Variants in NHS observed in about 807,000 individuals in gnomAD.
NHS encodes the protein actin remodeling regulator NHS.
Under a neutral mutation model 72.5 loss-of-function variants are expected in NHS, and 5 were observed. The observed-to-expected ratio is 0.07, with a 90% confidence interval of 0.04 to 0.14. The LOEUF is 0.14. Ranked by LOEUF, NHS falls within the 10% of genes least tolerant of loss-of-function variation. NHS has a pLI of 1.00. For missense variants in NHS, 1,072 were observed against 1,355.7 expected, an observed-to-expected ratio of 0.79 and a Z score of 3.29; for synonymous variants, 464 against 547.7, an observed-to-expected ratio of 0.85 and a Z score of 2.13.
At chrX:17,387,696 G>T (rs1344246460) in intron 1 of NHS, among the ~76,000 whole-genome samples, 1 of 112,382 alleles carries the variant, frequency 8.9e-6, no homozygotes, top group Non-Finnish European at 1.9e-5. Flanking sequence ...TCTGAAGCTG[G>T]ACTACATGGG....
chrX:17,512,066 A>G (rs1248360548), intron 1 of NHS, among the ~76,000 whole-genome samples: 1 of 111,938 alleles, frequency 8.9e-6, no homozygotes, highest in Non-Finnish European at 1.9e-5. Context: ...TGCACTCTTT[A>G]TAGGCTGCCT....
intron 1 of NHS, among the ~76,000 whole-genome samples, chrX:17,404,337 A>G (rs2064517351): frequency 9.0e-6 from 1 of 111,434 alleles, no homozygotes; most frequent in South Asian, 3.8e-4. Flanking sequence ...AAAGGTCTAA[A>G]TAACAATGAC....
At chrX:17,377,538 G>C (rs2064353153) in intron 1 of NHS, among the ~76,000 whole-genome samples, 1 of 113,247 alleles carries the variant, frequency 8.8e-6, no homozygotes. Flanking sequence ...TGGCCTAGGA[G>C]CGCGCGGGGC....
intron 1 of NHS, among the ~76,000 whole-genome samples, chrX:17,521,330 A>G (rs2065147377): frequency 9.2e-6 from 1 of 108,483 alleles, no homozygotes; most frequent in South Asian, 3.9e-4. Flanking sequence ...TACTGAGGAA[A>G]ATCTCCAGTG....
chrX:17,424,046 G>A (rs1322651540), intron 1 of NHS, among the ~76,000 whole-genome samples: 1 of 112,489 alleles, frequency 8.9e-6, no homozygotes, highest in African/African-American at 3.2e-5. Flanking sequence ...TAATCATCAA[G>A]TTCTGGTGGT....
chrX:17,450,872 G>A (rs552349124), intron 1 of NHS, among the ~76,000 whole-genome samples: 4 of 110,959 alleles, frequency 3.6e-5, no homozygotes, highest in South Asian at 7.6e-4. Context: ...GAGAAACTCC[G>A]TCTAAAAAAC....
chrX:17,667,285 G>A (rs901708615), intron 1 of NHS, among the ~76,000 whole-genome samples: 1 of 112,275 alleles, frequency 8.9e-6, no homozygotes, highest in Non-Finnish European at 1.9e-5. Context: ...CGTTGGTTAC[G>A]TGGTAGCTCC....
intron 3 of NHS, among the ~76,000 whole-genome samples, chrX:17,698,633 A>AT (rs1359921470): frequency 8.9e-6 from 1 of 112,161 alleles, no homozygotes; most frequent in African/African-American, 3.2e-5. Flanking sequence ...ACCTGAACTG[A>AT]TAAAGACAGT....
At chrX:17,601,182 T>C (rs2065647649) in intron 1 of NHS, among the ~76,000 whole-genome samples, 3 of 110,856 alleles carry the variant, frequency 2.7e-5, no homozygotes, top group Middle Eastern at 4.7e-3. Flanking sequence ...AGAGGAAGGG[T>C]ATGGAATTAA....
chrX:17,481,483 A>G (rs1268877242), intron 1 of NHS, among the ~76,000 whole-genome samples: 2 of 110,848 alleles, frequency 1.8e-5, no homozygotes, highest in African/African-American at 3.3e-5. Flanking sequence ...TGTGTATTTG[A>G]TGTTGCAAGT....
chrX:17,548,295 C>T (rs1023956107), intron 1 of NHS, among the ~76,000 whole-genome samples: 19 of 110,425 alleles, frequency 1.7e-4, no homozygotes, highest in Non-Finnish European at 2.6e-4. Context: ...ATAGATTTGA[C>T]GAATGAGTTT....
intron 1 of NHS, among the ~76,000 whole-genome samples, chrX:17,403,782 T>C (rs2064513893): frequency 1.8e-5 from 2 of 111,719 alleles, no homozygotes; most frequent in African/African-American, 6.5e-5. Flanking sequence ...TGATCTTTTT[T>C]TTCCTGGCTC....
chrX:17,696,323 T>G (rs1394085738), intron 3 of NHS, among the ~76,000 whole-genome samples: 2 of 111,849 alleles, frequency 1.8e-5, no homozygotes, highest in African/African-American at 6.5e-5. Context: ...TAGGGAAAGG[T>G]AGGGAGAGGA....
intron 1 of NHS, among the ~76,000 whole-genome samples, chrX:17,404,002 C>T (rs935134666): frequency 8.9e-6 from 1 of 112,135 alleles, no homozygotes; most frequent in Non-Finnish European, 1.9e-5. Flanking sequence ...TTCTAGACAG[C>T]TGCCACTTGT....
At chrX:17,562,971 T>A (rs2065423307) in intron 1 of NHS, among the ~76,000 whole-genome samples, 1 of 111,943 alleles carries the variant, frequency 8.9e-6, no homozygotes, top group African/African-American at 3.2e-5. Flanking sequence ...TCAGAAAATG[T>A]TGAAATGTGC....
At chrX:17,438,042 T>G (rs961766913) in intron 1 of NHS, among the ~76,000 whole-genome samples, 2 of 112,541 alleles carry the variant, frequency 1.8e-5, no homozygotes, top group African/African-American at 3.2e-5. Context: ...TTTTAAAAGA[T>G]GTAGTGACAC....
At chrX:17,509,206 A>AATTTATTTATTTATTT (rs10691839) in intron 1 of NHS, among the ~76,000 whole-genome samples, 1 of 98,218 alleles carries the variant, frequency 1.0e-5, no homozygotes, top group African/African-American at 3.8e-5. Context: ...AGTTACAAGT[A>AATTTATTTATTTATTT]ATTTATTTAT....
At chrX:17,605,970 G>A (rs1373253200) in intron 1 of NHS, among the ~76,000 whole-genome samples, 1 of 112,332 alleles carries the variant, frequency 8.9e-6, no homozygotes. Flanking sequence ...CCACAGGATT[G>A]TAAATGAATT....
chrX:17,732,308 G>A lies in NHS; in HGVS notation c.4800G>A (p.Arg1600=), dbSNP rs1335376820. Residue 1600 remains arginine, a synonymous_variant, in exon 9 of 9, where the codon AGG becomes AGA. Transcript: ENST00000676302. ...SKSFATSASA[R]VGRSRAPPAA... The stretch of plus-strand genomic sequence containing the variant: ...GCTTTGCCACCTCAGCATCAGCAAG[G>A]GTTGGACGTTCTCGGGCCCCTCCTG... The A allele has an allele frequency of 2.5e-6, 3 of 1,212,474 alleles. No individual in the cohort carries two copies. The highest frequency in any genetic ancestry group is 3.3e-6 in the Non-Finnish European group (3 of 895,681).
Sources: gnomAD v4.1 joint callset for allele counts (sites outside exome capture counted in the v4.1 genomes callset) on GRCh38, gnomAD v4.1.1 for gene constraint, MANE v1.5 for transcripts, NCBI Gene and HGNC (gene_info 2026-07-23, HGNC 2026-07-21) for gene names.